The following DENND6B variants were observed in gnomAD, a reference collection of about 807,000 sequenced individuals.
DENND6B encodes DENN domain containing 6B, also known as protein DENND6B.
DENND6B carries 73 observed loss-of-function variants against 85.1 expected under a neutral mutation model. The observed-to-expected ratio is 0.86, with a 90% CI of 0.71 to 1.04. The LOEUF is 1.04. Among genes scored for constraint, DENND6B ranks in the 50% least tolerant of loss-of-function variants. The probability of loss-of-function intolerance (pLI) is 0.00; values close to 1 mark genes in which losing one functional copy is unlikely to be tolerated. For missense variants in DENND6B, 715 were observed against 785.8 expected (o/e 0.91, Z 1.08); for synonymous variants, 357 against 329.3 (o/e 1.08, Z -0.91).
At chr22:50,316,121 T>C (rs1162877745) in intron 7 of DENND6B, 34 bp from the exon 8 acceptor site, 1 of 1,612,178 alleles carries the variant, frequency 6.2e-7, no homozygotes, top group South Asian at 1.1e-5. Context: ...CCAGAGGGAG[T>C]AGGGCATCCC....
rs1449153516 is a variant in DENND6B, at chr22:50,310,154, C to G, written c.*1985G>C. On this transcript the variant is annotated 3_prime_UTR_variant, in exon 20 of 20. Transcript: ENST00000413817. ...CTCTGCAGACCCTCTAGAGACCAAG[C>G]CCTCAGTGGGGAGGCTGGTCCCCCT... is the stretch of plus-strand genomic sequence containing the variant. 6.6e-6 allele frequency: 1 copy of G among 152,280 alleles called. No homozygotes were observed. Among genetic ancestry groups the G allele is most frequent in the African/African-American group, 2.4e-5 (1 of 41,468 alleles). The allele number at this position is 152,280 out of a possible 1,614,324, so 9.4% of individuals were successfully genotyped here. A position where few individuals can be genotyped will look rare whatever the true frequency, so the allele number is the denominator to read the frequency against.
chr22:50,313,553 TCCCCCGCA>T, intron 15 of DENND6B, 54 bp from the exon 16 acceptor site: 3 of 698,098 alleles, frequency 4.3e-6, no homozygotes, highest in Non-Finnish European at 5.5e-6. Context: ...CCCAGCCCCA[TCCCCCGCA>T]GCCCCGTCCC....
chr22:50,321,720 G>C (rs966828870), intron 1 of DENND6B, among the ~76,000 whole-genome samples: 3 of 151,978 alleles, frequency 2.0e-5, no homozygotes, highest in African/African-American at 7.3e-5. Context: ...AGGCTGGAGT[G>C]CAGTGGTGCG....
At chr22:50,325,826 T>C (rs916675441) in intron 1 of DENND6B, among the ~76,000 whole-genome samples, 2 of 151,862 alleles carry the variant, frequency 1.3e-5, no homozygotes, top group Admixed American at 1.3e-4. Context: ...AGTGCTAGAG[T>C]TAATGCTTTT....
chr22:50,316,182 C>G lies in DENND6B; in HGVS notation c.631G>C (p.Val211Leu). 6.2e-7 allele frequency: 1 copy of G among 1,612,396 alleles called. No homozygotes were observed. The highest frequency in any genetic ancestry group is 8.5e-7 in the Non-Finnish European group (1 of 1,179,848). The change falls in exon 7 of 20, where the codon GTT becomes CTT. Residue 211 changes from valine to leucine, a missense_variant. Val to Leu is a conservative substitution (Grantham distance 32, BLOSUM62 1). Transcript: ENST00000413817. ...QTLNLPVMGV[V>L]VQVRIPSRVD... ...AGCCAGCTGGCTCTCACCTGGACAA[C>G]AACGCCCATGACAGGTAGGTTCAGG...
intron 1 of DENND6B, among the ~76,000 whole-genome samples, chr22:50,321,119 G>A (rs1192129185): frequency 6.6e-6 from 1 of 152,192 alleles, no homozygotes; most frequent in African/African-American, 2.4e-5. Context: ...GTCACCCGGA[G>A]GAAGACTGGG....
chr22:50,315,046 T>C, intron 9 of DENND6B, 125 bp from the exon 10 acceptor site: 1 of 1,339,806 alleles, frequency 7.5e-7, no homozygotes, highest in Non-Finnish European at 1.0e-6. Context: ...TGCTCCAGGG[T>C]GAAGACAGAT....
Position 50,314,897 on chromosome 22 carries a change from A to G in DENND6B, c.783T>C (p.His261=), listed in dbSNP as rs372850132. The change falls in exon 10 of 20, where the codon CAT becomes CAC. Residue 261 remains histidine, a synonymous_variant. Coordinates refer to ENST00000413817, the MANE Select transcript of DENND6B (RefSeq NM_001001794.4). ...LFRCFRPVLT[H]MQTLWELMLL... ...GCATGAGCTCCCACAGTGTCTGCAT[A>G]TGAGTCAGCACAGGCCGGAAGCACC... 1.9e-6 allele frequency: 3 copies of G among 1,612,112 alleles called. No homozygotes were observed. Among genetic ancestry groups the G allele is most frequent in the African/African-American group, 2.7e-5 (2 of 74,924 alleles).
Position 50,317,920 on chromosome 22 carries a change from A to G in DENND6B, c.360T>C (p.Pro120=). 6.2e-7 allele frequency: 1 copy of G among 1,608,952 alleles called. No homozygotes were observed. The highest frequency in any genetic ancestry group is 8.5e-7 in the Non-Finnish European group (1 of 1,179,488). The part of the protein sequence containing the change: ...ADDRHYNSRA[P]VALQREPAHY... Reference sequence around the variant, plus strand: ...GCCCAGTGCTCACCTGCAGTGCCACAGGGGCCCTGCTGTTGTAGTGCCTGT... The same window carrying G: ...GCCCAGTGCTCACCTGCAGTGCCACGGGGGCCCTGCTGTTGTAGTGCCTGT... The change falls in exon 4 of 20, where the codon CCT becomes CCC. Residue 120 remains proline (P), a synonymous_variant. Coordinates refer to ENST00000413817, the MANE Select transcript of DENND6B (RefSeq NM_001001794.4).
At chr22:50,320,797 G>C (rs1442656787) in intron 1 of DENND6B, among the ~76,000 whole-genome samples, 1 of 152,208 alleles carries the variant, frequency 6.6e-6, no homozygotes, top group African/African-American at 2.4e-5. Context: ...CTCTGCACCT[G>C]GTCTGCCAGT....
At chr22:50,318,110 G>A (rs531126974) in intron 3 of DENND6B, 90 bp from the exon 4 acceptor site, 17 of 1,316,952 alleles carry the variant, frequency 1.3e-5, no homozygotes, top group Admixed American at 8.0e-5. Flanking sequence ...AGGGCCCTGC[G>A]AGCCTGGCCT....
rs1432524873 is a variant in DENND6B at position 50,311,343 on chromosome 22, G to A, written c.*796C>T. The A allele has an allele frequency of 6.6e-6, 1 of 152,356 alleles. No homozygotes were observed. The highest frequency in any genetic ancestry group is 1.5e-5 in the Non-Finnish European group (1 of 68,128). The allele number at this position is 152,356 out of a possible 1,614,324, so 9.4% of individuals were successfully genotyped here. A position where few individuals can be genotyped will look rare whatever the true frequency, so the allele number is the denominator to read the frequency against. On this transcript the variant is annotated 3_prime_UTR_variant, in exon 20 of 20. Coordinates refer to ENST00000413817, the MANE Select transcript of DENND6B (RefSeq NM_001001794.4). Reference sequence around the variant, plus strand: ...CAGGCTCCAGCCAGAGGCAGGGTCAGGCCGAAGTCCAGAGCCCCTTGGGCT... The same window carrying A: ...CAGGCTCCAGCCAGAGGCAGGGTCAAGCCGAAGTCCAGAGCCCCTTGGGCT...
intron 1 of DENND6B, among the ~76,000 whole-genome samples, chr22:50,320,682 A>T (rs1333770560): frequency 1.3e-5 from 2 of 152,142 alleles, no homozygotes; most frequent in Non-Finnish European, 2.9e-5. Context: ...GCCTCAGGAT[A>T]GCTCCATGAG....
rs1165268521 is a variant in DENND6B at position 50,313,723 on chromosome 22, C to T, written c.1205G>A (p.Gly402Asp). Residue 402 changes from glycine (G) to aspartate (D), a missense_variant and splice_region_variant, in exon 15 of 20, where the codon GGC becomes GAC. Gly to Asp is a moderately conservative substitution (Grantham distance 94). Coordinates refer to ENST00000413817, the MANE Select transcript of DENND6B (RefSeq NM_001001794.4). Reference sequence around the variant, plus strand: ...ATCTGACGGCCGCTTCTTCTGCACGCCCTGCAGGGGAGAGAGGGCCAGGCC... The same window carrying T: ...ATCTGACGGCCGCTTCTTCTGCACGTCCTGCAGGGGAGAGAGGGCCAGGCC... The part of the protein sequence containing the change: ...DKALLKRLLK[G>D]VQKKRPSDVQ... 5 of 1,603,140 alleles carry T rather than the reference C, an allele frequency of 3.1e-6. No homozygotes were observed. Among genetic ancestry groups the T allele is most frequent in the Admixed American group, 3.4e-5 (2 of 58,608 alleles).
At chr22:50,313,148 C>A (rs760696782) in intron 16 of DENND6B, 40 bp from the exon 17 acceptor site, 2 of 1,528,358 alleles carry the variant, frequency 1.3e-6, no homozygotes, top group African/African-American at 2.8e-5. Flanking sequence ...GGAACTCGGC[C>A]TCACAGGCCT....
chr22:50,315,088 C>T (rs1047988627), intron 9 of DENND6B, 167 bp from the exon 10 acceptor site: 35 of 1,014,022 alleles, frequency 3.5e-5, no homozygotes, highest in Non-Finnish European at 4.2e-5. Context: ...GTAATCATGA[C>T]GACCCCAAGC....
rs2068046214 is a variant in DENND6B at position 50,310,574 on chromosome 22, A to G, written c.*1565T>C. 1 of 152,238 alleles carries G rather than the reference A, an allele frequency of 6.6e-6. No individual in the cohort carries two copies. The highest frequency in any genetic ancestry group is 6.5e-5 in the Admixed American group (1 of 15,284). 9.4% of individuals were successfully genotyped at this position (152,238 alleles called of 1,614,324 possible). A position where few individuals can be genotyped will look rare whatever the true frequency, so the allele number is the denominator to read the frequency against. ...ACCACCTGGCTGGAGGTCTGAGAGC[A>G]CCAATGAGAACACAAACAGTACGTT... is the stretch of plus-strand genomic sequence containing the variant. On this transcript the variant is annotated 3_prime_UTR_variant, in exon 20 of 20. Coordinates refer to ENST00000413817, the MANE Select transcript of DENND6B (RefSeq NM_001001794.4).
intron 1 of DENND6B, chr22:50,319,487 T>A: frequency 1.0e-6 from 1 of 981,762 alleles, no homozygotes; most frequent in Non-Finnish European, 1.2e-6. Flanking sequence ...CACCCGGACA[T>A]CTGTTCACAG....
At chr22:50,321,053 G>A (rs62241238) in intron 1 of DENND6B, among the ~76,000 whole-genome samples, 82,300 of 152,064 alleles carry the variant, frequency 0.54, 22,798 homozygotes, top group East Asian at 0.62. Context: ...TGCCCTGCTC[G>A]GGGTTCCATG....
Sources: allele counts gnomAD v4.1 joint callset (sites outside exome capture counted in the v4.1 genomes callset), GRCh38; gene constraint gnomAD v4.1.1; transcripts MANE v1.5; gene names NCBI Gene and HGNC (gene_info 2026-07-23, HGNC 2026-07-21).